CDH13: variants seen among roughly 807,000 people sequenced by gnomAD.
The protein encoded by CDH13 is cadherin-13.
A neutral mutation model predicts 63.8 loss-of-function variants in CDH13; 24 were observed. The ratio of observed to expected loss-of-function variants is 0.38; its 90% CI spans 0.27 to 0.53. CDH13 has a LOEUF of 0.53. Ranked by LOEUF, CDH13 falls within the 20% of genes least tolerant of loss-of-function variation. CDH13 has a pLI of 0.85. For synonymous variants in CDH13, 503 were observed against 355.3 expected (o/e 1.42, Z -4.67); for missense variants, 1,049 against 903.1 (o/e 1.16, Z -2.07).
chr16:83,787,889 G>A (rs922379705), intron 13 of CDH13, among the ~76,000 whole-genome samples: 5 of 151,492 alleles, frequency 3.3e-5, no homozygotes, highest in Non-Finnish European at 7.4e-5. Context: ...GTTGCAGTGA[G>A]CCGAGATCAC....
At chr16:82,945,070 T>G (rs1358859559) in intron 2 of CDH13, among the ~76,000 whole-genome samples, 1 of 152,206 alleles carries the variant, frequency 6.6e-6, no homozygotes, top group Non-Finnish European at 1.5e-5. Flanking sequence ...GAAACAGTCA[T>G]TATACTTTTT....
chr16:83,067,010 C>G (rs1208294264), intron 3 of CDH13, among the ~76,000 whole-genome samples: 26 of 152,156 alleles, frequency 1.7e-4, no homozygotes, highest in Non-Finnish European at 1.5e-5. Flanking sequence ...TGCAAAGTTG[C>G]CTCCAGGAGG....
intron 5 of CDH13, among the ~76,000 whole-genome samples, chr16:83,255,723 A>T (rs1428058885): frequency 1.3e-5 from 2 of 152,186 alleles, no homozygotes; most frequent in African/African-American, 4.8e-5. Flanking sequence ...TATTGGTAAT[A>T]AAGTGGCACT....
intron 8 of CDH13, among the ~76,000 whole-genome samples, chr16:83,669,974 C>G (rs1162188719): frequency 1.3e-5 from 2 of 152,220 alleles, no homozygotes; most frequent in Non-Finnish European, 1.5e-5. Flanking sequence ...TCATGAAATT[C>G]TCTATCTATG....
chr16:82,802,837 C>A (rs547240708), intron 1 of CDH13, among the ~76,000 whole-genome samples: 1 of 152,178 alleles, frequency 6.6e-6, no homozygotes. Flanking sequence ...CAAACTTCAG[C>A]GCTTTTCCAA....
intron 11 of CDH13, among the ~76,000 whole-genome samples, chr16:83,766,505 G>A (rs1257640873): frequency 2.6e-5 from 4 of 152,142 alleles, no homozygotes; most frequent in Non-Finnish European, 4.4e-5. Context: ...TGTTCACACA[G>A]ACAACCTCAC....
Position 83,465,274 on chromosome 16 carries a change from A to G in CDH13, c.782-21203A>G, listed in dbSNP as rs540766654. Among the ~76,000 whole-genome samples the G allele has an allele frequency of 1.3e-3, 204 of 152,364 alleles. 4 individuals are homozygous for G. The South Asian group carries it at 0.039, about 29-fold the overall frequency. On this transcript the variant is annotated intron_variant, in intron 6 of 13. Coordinates refer to ENST00000567109, the MANE Select transcript of CDH13 (RefSeq NM_001257.5). ...AAGGTGTGAGGAGCGAATGGGCTAG[A>G]CAGCTACAAAGGCGACAGAAGCAAC...
chr16:82,915,538 A>T (rs1260327336), intron 2 of CDH13, among the ~76,000 whole-genome samples: 1 of 152,096 alleles, frequency 6.6e-6, no homozygotes, highest in South Asian at 2.1e-4. Flanking sequence ...CAGGGGGGAA[A>T]TTACAGTCAT....
chr16:83,553,429 T>A (rs76691521), intron 7 of CDH13, among the ~76,000 whole-genome samples: 3,425 of 152,352 alleles, frequency 0.022, 148 homozygotes, highest in African/African-American at 0.078. Flanking sequence ...CTCTTTTCTA[T>A]GCATATGTTT....
At chr16:82,900,972 A>G (rs1283342347) in intron 2 of CDH13, among the ~76,000 whole-genome samples, 1 of 152,172 alleles carries the variant, frequency 6.6e-6, no homozygotes, top group Non-Finnish European at 1.5e-5. Context: ...TCATCTGTGA[A>G]TGATCCAGGA....
intron 7 of CDH13, among the ~76,000 whole-genome samples, chr16:83,524,297 AGTGT>A (rs2074906005): frequency 6.6e-6 from 1 of 152,160 alleles, no homozygotes; most frequent in Non-Finnish European, 1.5e-5. Flanking sequence ...ACACTTATTT[AGTGT>A]GTTTATGCAG....
At chr16:82,830,485 G>A (rs1024785962) in intron 1 of CDH13, among the ~76,000 whole-genome samples, 1 of 152,178 alleles carries the variant, frequency 6.6e-6, no homozygotes, top group Non-Finnish European at 1.5e-5. Context: ...TTGAACAAAT[G>A]GGGAGTGATA....
At chr16:82,640,129 T>C (rs1909208079) in intron 1 of CDH13, among the ~76,000 whole-genome samples, 1 of 152,210 alleles carries the variant, frequency 6.6e-6, no homozygotes, top group African/African-American at 2.4e-5. Flanking sequence ...TGCGTAGTGA[T>C]AGTGCTATAG....
chr16:83,568,064 C>G (rs1010496159), intron 7 of CDH13, among the ~76,000 whole-genome samples: 1 of 152,180 alleles, frequency 6.6e-6, no homozygotes, highest in African/African-American at 2.4e-5. Flanking sequence ...TGCGCACCAA[C>G]TGTCCGGTTA....
intron 8 of CDH13, among the ~76,000 whole-genome samples, chr16:83,657,714 T>A (rs1270518410): frequency 6.6e-6 from 1 of 152,170 alleles, no homozygotes; most frequent in Non-Finnish European, 1.5e-5. Context: ...TTGGCAAAGG[T>A]ACTGCATTTG....
rs1415451850 is a variant in CDH13 at position 82,927,416 on chromosome 16, C to A, written c.157+68943C>A. Among the ~76,000 whole-genome samples the A allele has an allele frequency of 2.0e-5, 3 of 152,024 alleles. No individual in the cohort carries two copies. The East Asian group carries it at 5.8e-4, about 29-fold the overall frequency. On this transcript the variant is annotated intron_variant, in intron 2 of 13. Transcript: ENST00000567109. ...GAATATAACTTGAGCTATTTTCAGC[C>A]CATGTTTTACCATCTTCATAATGCC...
At chr16:83,371,244 C>T (rs1325506299) in intron 6 of CDH13, among the ~76,000 whole-genome samples, 3 of 152,180 alleles carry the variant, frequency 2.0e-5, no homozygotes, top group Non-Finnish European at 4.4e-5. Context: ...ATTCTATTTT[C>T]TGTTGACTGC....
intron 3 of CDH13, among the ~76,000 whole-genome samples, chr16:83,043,333 G>A (rs1917487627): frequency 6.6e-6 from 1 of 151,932 alleles, no homozygotes; most frequent in Non-Finnish European, 1.5e-5. Context: ...GCTTCTTTTT[G>A]GCTTTTGAAA....
chr16:83,696,520 G>T (rs1398687889), intron 10 of CDH13, among the ~76,000 whole-genome samples: 1 of 152,196 alleles, frequency 6.6e-6, no homozygotes, highest in Non-Finnish European at 1.5e-5. Context: ...TTCACTGGGA[G>T]TGGGGACTTG....
Sources: gnomAD v4.1 joint callset for allele counts (sites outside exome capture counted in the v4.1 genomes callset) on GRCh38, gnomAD v4.1.1 for gene constraint, MANE v1.5 for transcripts, NCBI Gene and HGNC (gene_info 2026-07-23, HGNC 2026-07-21) for gene names.